Variants in RFX4 observed in about 807,000 individuals in gnomAD.
RFX4 encodes transcription factor RFX4.
A neutral mutation model predicts 95.0 loss-of-function variants in RFX4; 10 were observed. The ratio of observed to expected loss-of-function variants is 0.11; its 90% CI spans 0.06 to 0.18. The LOEUF (loss-of-function observed/expected upper bound fraction) is 0.18. Among genes scored for constraint, RFX4 ranks in the 10% least tolerant of loss-of-function variants. The probability of loss-of-function intolerance (pLI) is 1.00; values close to 1 mark genes in which losing one functional copy is unlikely to be tolerated. For synonymous variants in RFX4, 321 were observed against 340.7 expected, an observed-to-expected ratio of 0.94 and a Z score of 0.64; for missense variants, 640 against 922.0, an observed-to-expected ratio of 0.69 and a Z score of 3.96.
chr12:106,754,609 A>G (rs1423911110), intron 17 of RFX4, among the ~76,000 whole-genome samples: 4 of 152,204 alleles, frequency 2.6e-5, no homozygotes, highest in African/African-American at 9.7e-5. Context: ...CCATTGCCAT[A>G]AAAAGAAGCC....
chr12:106,677,132 G>A (rs1484205506), intron 4 of RFX4, among the ~76,000 whole-genome samples: 2 of 152,186 alleles, frequency 1.3e-5, no homozygotes, highest in African/African-American at 4.8e-5. Flanking sequence ...CACAGTGCCT[G>A]AGCCAGGACT....
intron 4 of RFX4, among the ~76,000 whole-genome samples, chr12:106,671,868 C>T (rs2041287652): frequency 6.6e-6 from 1 of 152,038 alleles, no homozygotes; most frequent in Non-Finnish European, 1.5e-5. Flanking sequence ...CACTGTGTTG[C>T]CCAGGCTTGT....
chr12:106,714,593 G>A lies in RFX4; in HGVS notation c.994-807G>A, dbSNP rs919488105. On this transcript the variant is annotated intron_variant, in intron 10 of 17. Transcript: ENST00000392842. ...GACATTTTGAAAACATGCAAATAAAGGAAATGATCCTAGATACATATTTTT... is the reference window on the plus strand; with the variant it reads ...GACATTTTGAAAACATGCAAATAAAAGAAATGATCCTAGATACATATTTTT... Among the ~76,000 whole-genome samples, 36 of 151,954 alleles carry A rather than the reference G, an allele frequency of 2.4e-4. 1 individual carries two copies. In the East Asian group the frequency reaches 6.2e-3, roughly 26 times the overall value.
intron 1 of RFX4, among the ~76,000 whole-genome samples, chr12:106,606,702 C>G (rs187788032): frequency 6.6e-6 from 1 of 152,326 alleles, no homozygotes; most frequent in Non-Finnish European, 1.5e-5. Context: ...TCTCAACAAG[C>G]TGGCCCTTGT....
intron 4 of RFX4, among the ~76,000 whole-genome samples, chr12:106,667,132 C>T (rs2041193329): frequency 6.6e-6 from 1 of 152,092 alleles, no homozygotes; most frequent in South Asian, 2.1e-4. Flanking sequence ...AAGTGTTTCT[C>T]CATTTTTTCC....
intron 4 of RFX4, among the ~76,000 whole-genome samples, chr12:106,663,792 T>C (rs1422738625): frequency 6.6e-6 from 1 of 151,844 alleles, no homozygotes; most frequent in Non-Finnish European, 1.5e-5. Flanking sequence ...GGTGTTTCAA[T>C]TTGCCAAATA....
chr12:106,632,706 A>G lies in RFX4; in HGVS notation c.131-6626A>G, dbSNP rs193103070. On this transcript the variant is annotated intron_variant, in intron 2 of 17. Transcript: ENST00000392842. ...GTTTTAATTTTACTTTACTTTTGAA[A>G]TGGGGTCTTGCCATGTTGCCCAGGC... 4.1e-4 allele frequency among the ~76,000 whole-genome samples: 62 copies of G among 152,250 alleles called. 3 individuals are homozygous for G. In the East Asian group the frequency reaches 0.011, roughly 26 times the overall value.
In RFX4 at chr12:106,761,583, T is replaced by C; in HGVS notation, c.*114T>C. The C allele has an allele frequency of 1.4e-6, 1 of 740,090 alleles. No individual in the cohort carries two copies. The highest frequency in any genetic ancestry group is 1.8e-6 in the Non-Finnish European group (1 of 558,320). The allele number at this position is 740,090 out of a possible 1,614,324, so 45.8% of individuals were successfully genotyped here. A position where few individuals can be genotyped will look rare whatever the true frequency, so the allele number is the denominator to read the frequency against. On this transcript the variant is annotated 3_prime_UTR_variant, in exon 18 of 18. Transcript: ENST00000392842. Reference sequence around the variant, plus strand: ...TCTATACATTGTAACTCATGGGCTATTCCTAAGTGCCCATTTTCCTAATGA... The same window carrying C: ...TCTATACATTGTAACTCATGGGCTACTCCTAAGTGCCCATTTTCCTAATGA...
intron 17 of RFX4, among the ~76,000 whole-genome samples, chr12:106,751,173 G>T (rs12827053): frequency 0.16 from 23,567 of 150,528 alleles, 2,123 homozygotes; most frequent in East Asian, 0.27. Flanking sequence ...ACCTATGAGT[G>T]AGAACATGCA....
intron 15 of RFX4, among the ~76,000 whole-genome samples, chr12:106,744,368 T>C (rs1328259268): frequency 2.0e-5 from 3 of 152,210 alleles, no homozygotes; most frequent in African/African-American, 4.8e-5. Flanking sequence ...TTTGCCGTAA[T>C]TGGCTAAATT....
At chr12:106,681,542 G>A (rs1021877660) in intron 4 of RFX4, among the ~76,000 whole-genome samples, 1 of 152,218 alleles carries the variant, frequency 6.6e-6, no homozygotes, top group African/African-American at 2.4e-5. Context: ...GTGTGTTTCA[G>A]TAATAGAGAA....
intron 4 of RFX4, among the ~76,000 whole-genome samples, chr12:106,675,992 C>CG (rs1162815338): frequency 6.6e-6 from 1 of 152,086 alleles, no homozygotes; most frequent in African/African-American, 2.4e-5. Context: ...TGGGGCATGA[C>CG]GGGAAGCAGG....
Position 106,639,337 on chromosome 12 carries a change from G to GA in RFX4, c.141dup (p.Glu48ArgfsTer3). 1 of 1,612,580 alleles carries GA rather than the reference G, an allele frequency of 6.2e-7. No individual in the cohort carries two copies. Among genetic ancestry groups the GA allele is most frequent in the East Asian group, 2.2e-5 (1 of 44,790 alleles). ...CTTTTTCTTTCCTTTAACAGATGAG[G>GA]AAAAAGAAAATAATAGAGCATCCAA... On this transcript the variant is annotated frameshift_variant, in exon 3 of 18. Transcript: ENST00000392842. LOFTEE classifies it high-confidence loss of function.
At chr12:106,589,816 G>T (rs1054240687) in intron 1 of RFX4, among the ~76,000 whole-genome samples, 1 of 152,224 alleles carries the variant, frequency 6.6e-6, no homozygotes, top group African/African-American at 2.4e-5. Context: ...GGAATCCTGT[G>T]ACTCCGCCTT....
rs2041665411 is a variant in RFX4, at chr12:106,686,917, C to T, written c.411C>T (p.Ser137=). Residue 137 remains serine (S), a synonymous_variant, in exon 6 of 18, where the codon AGC becomes AGT. Transcript: ENST00000392842. ...YHYYGIAVKE[S]SQYYDVMYSK... ...ACTATGGCATTGCAGTGAAAGAAAG[C>T]TCCCAATATTATGATGTGATGTATT... 2 of 1,613,642 alleles carry T rather than the reference C, an allele frequency of 1.2e-6. No homozygotes were observed. The highest frequency in any genetic ancestry group is 1.3e-5 in the African/African-American group (1 of 74,842).
intron 13 of RFX4, among the ~76,000 whole-genome samples, chr12:106,724,992 G>A (rs1437266943): frequency 6.7e-6 from 1 of 149,446 alleles, no homozygotes; most frequent in Non-Finnish European, 1.5e-5. Flanking sequence ...CAGCCTGGGT[G>A]ACGGAGTGAG....
At position 106,755,558 on chromosome 12, in the gene RFX4, G is replaced by A. The variant is rs80151142; in HGVS notation, c.1935+4765G>A. 7.5e-3 allele frequency among the ~76,000 whole-genome samples: 1,137 copies of A among 152,306 alleles called. 14 individuals are homozygous for A. The highest frequency in any genetic ancestry group is 0.026 in the African/African-American group (1,097 of 41,552). On this transcript the variant is annotated intron_variant, in intron 17 of 17. Transcript: ENST00000392842. ...ATACTACTGTTTCGGAGAGTGGAAG[G>A]TGAATTCAAGAGGTTACTGCTGCTA... is the stretch of plus-strand genomic sequence containing the variant.
chr12:106,680,129 C>T (rs1477150892), intron 4 of RFX4, among the ~76,000 whole-genome samples: 4 of 152,192 alleles, frequency 2.6e-5, no homozygotes, highest in Admixed American at 2.6e-4. Context: ...GCCTTTTTTA[C>T]TTCCAAAAGT....
At chr12:106,708,744 C>G (rs893145036) in intron 8 of RFX4, among the ~76,000 whole-genome samples, 1 of 152,212 alleles carries the variant, frequency 6.6e-6, no homozygotes, top group Non-Finnish European at 1.5e-5. Context: ...CATCTTATTG[C>G]AACCTACTGC....
Sources: allele counts gnomAD v4.1 joint callset (sites outside exome capture counted in the v4.1 genomes callset), GRCh38; gene constraint gnomAD v4.1.1; transcripts MANE v1.5; gene names NCBI Gene and HGNC (gene_info 2026-07-23, HGNC 2026-07-21).